MPDZ: variants seen among roughly 807,000 people sequenced by gnomAD.
MPDZ encodes multiple PDZ domain protein.
In MPDZ, 234 loss-of-function variants were observed where a neutral mutation model predicts 239.1. The observed-to-expected ratio is 0.98, with a 90% CI of 0.88 to 1.09. The LOEUF (loss-of-function observed/expected upper bound fraction) is 1.09. MPDZ is among the 50% of genes least tolerant of loss of function. The probability of loss-of-function intolerance (pLI) is 0.00; values close to 1 mark genes in which losing one functional copy is unlikely to be tolerated. For missense variants in MPDZ, 3,175 were observed against 2,510.0 expected (o/e 1.26, Z -5.66); for synonymous variants, 1,048 against 881.3 (o/e 1.19, Z -3.35).
rs71491605 is a variant in MPDZ at position 13,268,152 on chromosome 9, T to TTATATATA, written c.-58+11240_-58+11247dup. ...TAAAAAATGAACAGCAAAAGGAAAATTATATATATATATATATACACACAT... is the reference window on the plus strand; with the variant it reads ...TAAAAAATGAACAGCAAAAGGAAAATTATATATATATATATATATATATATACACACAT... On this transcript the variant is annotated intron_variant, in intron 1 of 46. Coordinates refer to ENST00000319217, the MANE Select transcript of MPDZ (RefSeq NM_001378778.1). Among the ~76,000 whole-genome samples, 107 of 146,972 alleles carry TTATATATA rather than the reference T, an allele frequency of 7.3e-4. No individual in the cohort carries two copies. The South Asian group carries it at 8.3e-3, about 11-fold the overall frequency.
intron 23 of MPDZ, among the ~76,000 whole-genome samples, chr9:13,159,504 G>C (rs191531392): frequency 6.6e-6 from 1 of 152,256 alleles, no homozygotes; most frequent in African/African-American, 2.4e-5. Context: ...GCAAGGCAGA[G>C]AGGTAAAAAT....
At chr9:13,271,208 A>G (rs1020190856) in intron 1 of MPDZ, among the ~76,000 whole-genome samples, 3 of 152,214 alleles carry the variant, frequency 2.0e-5, no homozygotes, top group Non-Finnish European at 4.4e-5. Flanking sequence ...CAACATTTAA[A>G]TAAGGGCCTT....
intron 32 of MPDZ, 41 bp from the exon 33 acceptor site, chr9:13,126,813 A>C (rs917844886): frequency 9.8e-6 from 15 of 1,536,582 alleles, no homozygotes; most frequent in Middle Eastern, 3.4e-4. Flanking sequence ...GACTTGAAAC[A>C]GATTAATTTT....
intron 32 of MPDZ, among the ~76,000 whole-genome samples, chr9:13,128,182 C>T (rs904942468): frequency 3.3e-5 from 5 of 152,156 alleles, no homozygotes; most frequent in Non-Finnish European, 5.9e-5. Flanking sequence ...CTTCTTCCTT[C>T]AGGAAGGAAC....
chr9:13,123,846 T>C (rs770639126), intron 35 of MPDZ, among the ~76,000 whole-genome samples: 1 of 152,212 alleles, frequency 6.6e-6, no homozygotes, highest in African/African-American at 2.4e-5. Context: ...ATGTAATCAA[T>C]TCTGAGCAAA....
At position 13,270,091 on chromosome 9, in the gene MPDZ, G is replaced by A. The variant is rs112438934; in HGVS notation, c.-58+9309C>T. On this transcript the variant is annotated intron_variant, in intron 1 of 46. Transcript: ENST00000319217. ...AAAAGGGCTTATTCTTTCAATGAAC[G>A]TGACTATTTGCTTCTTAATTAACTC... Among the ~76,000 whole-genome samples the A allele has an allele frequency of 2.5e-3, 386 of 152,218 alleles. 1 individual carries two copies. In the East Asian group the frequency reaches 0.029, roughly 11 times the overall value.
rs62532872 is a variant in MPDZ at position 13,226,670 on chromosome 9, C to T, written c.184-2087G>A. On this transcript the variant is annotated intron_variant, in intron 3 of 46. Coordinates refer to ENST00000319217, the MANE Select transcript of MPDZ (RefSeq NM_001378778.1). ...GAACTTACTGTGCCCTGTTTTAATT[C>T]ATGGCACTCATTACCACCTGATCCA... Among the ~76,000 whole-genome samples, 1,115 of 150,896 alleles carry T rather than the reference C, an allele frequency of 7.4e-3. 10 individuals carry two copies. The highest frequency in any genetic ancestry group is 0.012 in the Non-Finnish European group (787 of 67,546).
chr9:13,165,495 T>C, intron 22 of MPDZ: 4 of 1,486,852 alleles, frequency 2.7e-6, no homozygotes, highest in East Asian at 2.5e-5. Context: ...GATGCATACA[T>C]ATGTAGTTAA....
intron 2 of MPDZ, among the ~76,000 whole-genome samples, chr9:13,249,741 C>G (rs1967417067): frequency 6.6e-6 from 1 of 152,148 alleles, no homozygotes; most frequent in African/African-American, 2.4e-5. Flanking sequence ...GTTCTACAAA[C>G]TAGTTTCTTT....
At chr9:13,141,809 G>C (rs1455321086) in intron 27 of MPDZ, among the ~76,000 whole-genome samples, 1 of 152,156 alleles carries the variant, frequency 6.6e-6, no homozygotes, top group Non-Finnish European at 1.5e-5. Context: ...AGAGATTTAA[G>C]GGCGTAAGTG....
Position 13,169,776 on chromosome 9 carries a change from T to A in MPDZ, c.3056-1212A>T, listed in dbSNP as rs997646101. 5.3e-5 allele frequency among the ~76,000 whole-genome samples: 8 copies of A among 152,310 alleles called. 1 individual carries two copies. The South Asian group carries it at 1.7e-3, about 32-fold the overall frequency. On this transcript the variant is annotated intron_variant, in intron 21 of 46. Coordinates refer to ENST00000319217, the MANE Select transcript of MPDZ (RefSeq NM_001378778.1). ...TCTGTAGGACAGGGGTACACTGGCC[T>A]TTGCAGTGTGCATCCTTGCTTTGTG... is the stretch of plus-strand genomic sequence containing the variant.
intron 15 of MPDZ, among the ~76,000 whole-genome samples, chr9:13,191,893 CT>C (rs1954979066): frequency 6.6e-6 from 1 of 152,064 alleles, no homozygotes; most frequent in Non-Finnish European, 1.5e-5. Context: ...AGCATCATGA[CT>C]TACATTTTAC....
At chr9:13,203,063 T>C (rs1449891310) in intron 12 of MPDZ, among the ~76,000 whole-genome samples, 5 of 152,170 alleles carry the variant, frequency 3.3e-5, no homozygotes, top group Non-Finnish European at 7.4e-5. Flanking sequence ...TATGAGGTGA[T>C]GGATATGCTA....
At chr9:13,227,625 C>T (rs1234252692) in intron 3 of MPDZ, among the ~76,000 whole-genome samples, 2 of 151,954 alleles carry the variant, frequency 1.3e-5, no homozygotes, top group Non-Finnish European at 2.9e-5. Flanking sequence ...AAAAGAGAAG[C>T]TCTGATATTA....
At chr9:13,151,510 C>G (rs1949168004) in intron 24 of MPDZ, among the ~76,000 whole-genome samples, 1 of 151,946 alleles carries the variant, frequency 6.6e-6, no homozygotes, top group Admixed American at 6.6e-5. Context: ...AGACATTATG[C>G]TAAGTGAAGT....
At chr9:13,234,052 C>G (rs1175414529) in intron 3 of MPDZ, among the ~76,000 whole-genome samples, 1 of 152,022 alleles carries the variant, frequency 6.6e-6, no homozygotes, top group Non-Finnish European at 1.5e-5. Context: ...ATTTTTAAAA[C>G]TTTTAATCAT....
chr9:13,152,505 C>T (rs1949307148), intron 24 of MPDZ, among the ~76,000 whole-genome samples: 1 of 152,078 alleles, frequency 6.6e-6, no homozygotes, highest in South Asian at 2.1e-4. Context: ...TTGTCTGCCA[C>T]CATGTGAGAT....
At chr9:13,254,139 G>C (rs1347134118) in intron 1 of MPDZ, among the ~76,000 whole-genome samples, 1 of 152,142 alleles carries the variant, frequency 6.6e-6, no homozygotes, top group Non-Finnish European at 1.5e-5. Flanking sequence ...GGAAGAAATA[G>C]AGACCCAAAA....
intron 2 of MPDZ, among the ~76,000 whole-genome samples, chr9:13,248,714 T>C (rs558277063): frequency 1.3e-5 from 2 of 151,700 alleles, no homozygotes; most frequent in African/African-American, 4.8e-5. Flanking sequence ...ATGTCTGTAA[T>C]CCCCGCAGTT....
Sources: gnomAD v4.1 joint callset for allele counts (sites outside exome capture counted in the v4.1 genomes callset) on GRCh38, gnomAD v4.1.1 for gene constraint, MANE v1.5 for transcripts, NCBI Gene and HGNC (gene_info 2026-07-23, HGNC 2026-07-21) for gene names.